Variants in HYDIN observed in about 807,000 individuals in gnomAD.
HYDIN encodes the protein axonemal central pair apparatus protein HYDIN.
In HYDIN, 132 loss-of-function variants were observed where a neutral mutation model predicts 403.9. The observed-to-expected ratio is 0.33, with a 90% confidence interval of 0.28 to 0.38. The LOEUF (loss-of-function observed/expected upper bound fraction) is 0.38, where lower values mean the gene tolerates loss of function less well. HYDIN is among the 10% of genes least tolerant of loss of function. The probability of loss-of-function intolerance (pLI) is 1.00; values close to 1 mark genes in which losing one functional copy is unlikely to be tolerated. For missense variants in HYDIN, 2,827 were observed against 5,009.5 expected, an observed-to-expected ratio of 0.56 and a Z score of 13.15; for synonymous variants, 1,202 against 1,891.7, an observed-to-expected ratio of 0.64 and a Z score of 9.46.
chr16:71,059,836 C>T (rs1353654635), intron 18 of HYDIN, among the ~76,000 whole-genome samples: 1 of 151,974 alleles, frequency 6.6e-6, no homozygotes, highest in Non-Finnish European at 1.5e-5. Flanking sequence ...GTTTGGTGTC[C>T]CTAATCCTCA....
chr16:71,011,268 C>T (rs188436656), intron 23 of HYDIN, among the ~76,000 whole-genome samples: 1 of 152,138 alleles, frequency 6.6e-6, no homozygotes, highest in Admixed American at 6.5e-5. Context: ...CACAGCAACT[C>T]TTTTAGACTA....
Position 70,920,729 on chromosome 16 carries a change from C to T in HYDIN, c.7647G>A (p.Glu2549=), listed in dbSNP as rs751844092. ...LRALEERSDW[E]GEGEEDHEGK... is the part of the protein sequence containing the mutation. ...CTTCGTGGTCCTCCTCCCCTTCCCC[C>T]TCCCAGTCGCTCCGCTCCTCCAGGG... The change falls in exon 46 of 86, where the codon GAG becomes GAA. Residue 2549 remains glutamate, a synonymous_variant. Coordinates refer to ENST00000393567, the MANE Select transcript of HYDIN (RefSeq NM_001270974.2). 1.0e-5 allele frequency: 16 copies of T among 1,580,314 alleles called. No individual in the cohort carries two copies. The highest frequency in any genetic ancestry group is 1.4e-5 in the Non-Finnish European group (16 of 1,162,260).
At chr16:71,077,353 T>A (rs987961961) in intron 13 of HYDIN, among the ~76,000 whole-genome samples, 5 of 151,698 alleles carry the variant, frequency 3.3e-5, no homozygotes, top group African/African-American at 1.2e-4. Context: ...TATTGTTAGG[T>A]TATTTTATAG....
intron 75 of HYDIN, among the ~76,000 whole-genome samples, chr16:70,840,684 G>A (rs1208255496): frequency 6.6e-6 from 1 of 152,190 alleles, no homozygotes; most frequent in African/African-American, 2.4e-5. Context: ...TGAATAAAGA[G>A]GCAAAGCCTT....
At position 70,978,905 on chromosome 16, in the gene HYDIN, C is replaced by G. The variant is rs1238555818; in HGVS notation, c.4638+9G>C. ...CACAGGCGTCCCGTGCAGGCTGGAG[C>G]TGTCTTACCTCAGCAGGCTCGTCTT... On this transcript the variant is annotated intron_variant, in intron 30 of 85. Transcript: ENST00000393567. 2.5e-6 allele frequency: 4 copies of G among 1,612,524 alleles called. 1 individual carries two copies. Among genetic ancestry groups the G allele is most frequent in the South Asian group, 1.1e-5 (1 of 91,034 alleles).
intron 80 of HYDIN, 101 bp downstream of exon 80, chr16:70,832,747 T>A: frequency 1.2e-6 from 1 of 835,370 alleles, no homozygotes; most frequent in Non-Finnish European, 1.9e-6. Flanking sequence ...ACAGGCCTCG[T>A]GGAGGGAGGG....
chr16:71,133,814 T>C (rs1029825793), intron 8 of HYDIN, among the ~76,000 whole-genome samples: 13 of 151,124 alleles, frequency 8.6e-5, no homozygotes, highest in African/African-American at 2.9e-4. Flanking sequence ...CCTCCATCTC[T>C]GAAGAGATTA....
chr16:71,079,096 G>A (rs1346801857), intron 13 of HYDIN, among the ~76,000 whole-genome samples: 28 of 151,588 alleles, frequency 1.8e-4, no homozygotes, highest in Admixed American at 1.8e-3. Flanking sequence ...TCTGCTGGCT[G>A]GAATGTGAGT....
At chr16:70,958,085 C>T (rs558690685) in intron 39 of HYDIN, among the ~76,000 whole-genome samples, 3 of 151,072 alleles carry the variant, frequency 2.0e-5, no homozygotes, top group South Asian at 4.2e-4. Context: ...GAGATGTATA[C>T]GTTCCAAATG....
chr16:71,196,903 C>T (rs1012705508), intron 1 of HYDIN, among the ~76,000 whole-genome samples: 2 of 152,160 alleles, frequency 1.3e-5, no homozygotes, highest in East Asian at 3.9e-4. Context: ...TAATCCACCC[C>T]TTGTTTAGCA....
At chr16:71,229,470 C>T (rs1365754238) in intron 1 of HYDIN, among the ~76,000 whole-genome samples, 1 of 152,158 alleles carries the variant, frequency 6.6e-6, no homozygotes, top group African/African-American at 2.4e-5. Flanking sequence ...ATATTTATAA[C>T]AGTTTTACTT....
chr16:71,185,087 T>C (rs1308732816), intron 2 of HYDIN, 97 bp from the exon 3 acceptor site: 4 of 778,996 alleles, frequency 5.1e-6, no homozygotes, highest in Non-Finnish European at 5.6e-6. Flanking sequence ...TGTTTGCAGC[T>C]TTCAGGATAA....
At chr16:71,198,220 C>T (rs1380659019) in intron 1 of HYDIN, among the ~76,000 whole-genome samples, 2 of 152,098 alleles carry the variant, frequency 1.3e-5, no homozygotes, top group Admixed American at 1.3e-4. Context: ...GTATAATAAT[C>T]CACCATTTGA....
rs535329852 is a variant in HYDIN, at chr16:71,023,267, G to A, written c.3186+2116C>T. ...CGGGTTTAGCTTGGGTTTCAGTGAC[G>A]GGAAGCTAAACTAACAATGTCCACC... On this transcript the variant is annotated intron_variant, in intron 21 of 85. Coordinates refer to ENST00000393567, the MANE Select transcript of HYDIN (RefSeq NM_001270974.2). 8.0e-3 allele frequency among the ~76,000 whole-genome samples: 1,201 copies of A among 150,620 alleles called. 10 individuals are homozygous for A. Among genetic ancestry groups the A allele is most frequent in the Non-Finnish European group, 0.011 (776 of 67,600 alleles).
At chr16:71,183,719 TAC>T (rs765432879) in intron 3 of HYDIN, among the ~76,000 whole-genome samples, 1 of 152,024 alleles carries the variant, frequency 6.6e-6, no homozygotes, top group Non-Finnish European at 1.5e-5. Flanking sequence ...AACAAAGAAA[TAC>T]AGTCTTCATA....
chr16:70,898,721 G>C (rs370482822), intron 53 of HYDIN, among the ~76,000 whole-genome samples: 1 of 152,064 alleles, frequency 6.6e-6, no homozygotes, highest in Admixed American at 6.5e-5. Flanking sequence ...GGATGATCCC[G>C]TGAATGTCAA....
chr16:71,069,202 G>C (rs1019326818), intron 14 of HYDIN, 65 bp downstream of exon 14: 371 of 1,481,198 alleles, frequency 2.5e-4, no homozygotes, highest in Middle Eastern at 1.6e-3. Flanking sequence ...CCCTAGATGA[G>C]GGCCCATGAC....
intron 3 of HYDIN, among the ~76,000 whole-genome samples, chr16:71,184,555 C>T (rs929053385): frequency 1.3e-5 from 2 of 152,122 alleles, no homozygotes; most frequent in African/African-American, 4.8e-5. Context: ...AAGACAATAA[C>T]TTAATTGGGC....
intron 9 of HYDIN, among the ~76,000 whole-genome samples, chr16:71,125,816 C>A (rs562027640): frequency 5.9e-5 from 9 of 152,174 alleles, no homozygotes; most frequent in South Asian, 2.1e-4. Flanking sequence ...TCCTTTCTGA[C>A]CACCCCTGGG....
Sources: allele counts gnomAD v4.1 joint callset (sites outside exome capture counted in the v4.1 genomes callset), GRCh38; gene constraint gnomAD v4.1.1; transcripts MANE v1.5; gene names NCBI Gene and HGNC (gene_info 2026-07-23, HGNC 2026-07-21).